LGR5: variants seen among roughly 807,000 people sequenced by gnomAD.
The protein encoded by LGR5 is leucine-rich repeat-containing G protein-coupled receptor 5.
Under a neutral mutation model 76.7 loss-of-function variants are expected in LGR5, and 54 were observed. That is an observed-to-expected ratio of 0.70 (90% CI 0.57 to 0.88). LGR5 has a LOEUF of 0.88. LGR5 is among the 40% of genes least tolerant of loss of function. The pLI, the probability that LGR5 is intolerant of heterozygous loss-of-function variation, is 0.00. For missense variants in LGR5, 1,078 were observed against 1,073.3 expected (o/e 1.00, Z -0.06); for synonymous variants, 406 against 421.9 (o/e 0.96, Z 0.46).
At chr12:71,534,798 T>G (rs1259590577) in intron 3 of LGR5, among the ~76,000 whole-genome samples, 1 of 152,176 alleles carries the variant, frequency 6.6e-6, no homozygotes, top group African/African-American at 2.4e-5. Context: ...TTCCTTCTGG[T>G]CTCCAGTTAA....
Position 71,584,243 on chromosome 12 carries a change from A to C in LGR5, c.2233A>C (p.Thr745Pro). 6.2e-7 allele frequency: 1 copy of C among 1,614,108 alleles called. No homozygotes were observed. The highest frequency in any genetic ancestry group is 8.5e-7 in the Non-Finnish European group (1 of 1,180,018). The change falls in exon 18 of 18, where the codon ACC (threonine) becomes CCC (proline). Residue 745 changes from threonine to proline, a missense_variant. By Grantham distance (38) the Thr-to-Pro change is conservative. Coordinates refer to ENST00000266674, the MANE Select transcript of LGR5 (RefSeq NM_003667.4). ...CTTCCTCATGATGACCATTGCCTAC[A>C]CCAAGCTCTACTGCAATTTGGACAA... The part of the protein sequence containing the change: ...LCFLMMTIAY[T>P]KLYCNLDKGD...
chr12:71,510,685 T>C (rs1875109354), intron 2 of LGR5, among the ~76,000 whole-genome samples: 1 of 152,106 alleles, frequency 6.6e-6, no homozygotes, highest in Non-Finnish European at 1.5e-5. Context: ...GCATATGATA[T>C]TTGCTAATTG....
At chr12:71,557,961 T>C (rs1877859062) in intron 6 of LGR5, among the ~76,000 whole-genome samples, 1 of 152,102 alleles carries the variant, frequency 6.6e-6, no homozygotes, top group African/African-American at 2.4e-5. Context: ...AATTTGTTCA[T>C]GATCAATTCA....
In LGR5 at chr12:71,569,619, C is replaced by A. The variant is rs138478845; in HGVS notation, c.1071-1895C>A. ...AAAACCACAATGAGATACCATCTCA[C>A]ACCAGTCAGAATGGCAATTATTAAA... On this transcript the variant is annotated intron_variant, in intron 11 of 17. Coordinates refer to ENST00000266674, the MANE Select transcript of LGR5 (RefSeq NM_003667.4). Among the ~76,000 whole-genome samples, 586 of 152,340 alleles carry A rather than the reference C, an allele frequency of 3.8e-3. 3 individuals are homozygous for A. The highest frequency in any genetic ancestry group is 0.013 in the African/African-American group (553 of 41,572).
chr12:71,562,156 A>G (rs1425467520), intron 8 of LGR5, among the ~76,000 whole-genome samples: 3 of 152,324 alleles, frequency 2.0e-5, no homozygotes, highest in East Asian at 1.9e-4. Flanking sequence ...TTTTTAGAGC[A>G]TTAATGTCAA....
chr12:71,454,760 C>T (rs1489934856), intron 1 of LGR5, among the ~76,000 whole-genome samples: 1 of 148,528 alleles, frequency 6.7e-6, no homozygotes, highest in Admixed American at 6.7e-5. Context: ...GGCACACACA[C>T]ACGTGCATAG....
At chr12:71,572,950 A>G (rs1197321279) in intron 13 of LGR5, 29 bp downstream of exon 13, 3 of 1,543,346 alleles carry the variant, frequency 1.9e-6, no homozygotes, top group Admixed American at 1.7e-5. Context: ...TGCGTTCCCC[A>G]GCACAGAGCA....
At chr12:71,539,298 A>G (rs1876756586) in intron 4 of LGR5, among the ~76,000 whole-genome samples, 1 of 152,218 alleles carries the variant, frequency 6.6e-6, no homozygotes, top group South Asian at 2.1e-4. Context: ...CTCCACCCAT[A>G]TACACTTGGC....
In LGR5 at chr12:71,566,689, C is replaced by T; in HGVS notation, c.987C>T (p.Asn329=). The change falls in exon 10 of 18, where the codon AAC becomes AAT. Residue 329 remains asparagine (N), a synonymous_variant. Coordinates refer to ENST00000266674, the MANE Select transcript of LGR5 (RefSeq NM_003667.4). ...TTCCTGATTTAACTGGAACTGCAAA[C>T]CTGGAGAGTCTGTAAGTACTGAGTA... ...TEFPDLTGTA[N]LESLTLTGAQ... The T allele has an allele frequency of 6.2e-7, 1 of 1,612,836 alleles. No homozygotes were observed.
In LGR5 at chr12:71,500,256, T is replaced by A. The variant is rs373239566; in HGVS notation, c.213-4358T>A. ...ATAGGAACCCATAAGAAACAGTACCTTTAATTATCTTAAGCTTCCTCAGTT... is the reference window on the plus strand; with the variant it reads ...ATAGGAACCCATAAGAAACAGTACCATTAATTATCTTAAGCTTCCTCAGTT... On this transcript the variant is annotated intron_variant, in intron 1 of 17. Transcript: ENST00000266674. Among the ~76,000 whole-genome samples the A allele has an allele frequency of 3.3e-5, 5 of 152,310 alleles. No individual in the cohort carries two copies. In the East Asian group the frequency reaches 9.6e-4, roughly 29 times the overall value.
chr12:71,549,806 T>C (rs1214412918), intron 4 of LGR5, among the ~76,000 whole-genome samples: 1 of 152,212 alleles, frequency 6.6e-6, no homozygotes, highest in East Asian at 1.9e-4. Flanking sequence ...GTCTATGCTG[T>C]TGAGCATTAA....
rs1350286218 is a variant in LGR5 at position 71,524,462 on chromosome 12, A to G, written c.341A>G (p.Tyr114Cys). Residue 114 changes from tyrosine (Y) to cysteine (C), a missense_variant, in exon 3 of 18, where the codon TAC becomes TGC. Physicochemically the swap from Tyr to Cys is radical, Grantham distance 194. Coordinates refer to ENST00000266674, the MANE Select transcript of LGR5 (RefSeq NM_003667.4). Reference sequence around the variant, plus strand: ...CCCAAGGGAGCATTCACTGGCCTTTACAGTCTTAAAGTTCTGTAAGTAAAC... The same window carrying G: ...CCCAAGGGAGCATTCACTGGCCTTTGCAGTCTTAAAGTTCTGTAAGTAAAC... ...YIPKGAFTGLYSLKVLMLQNN... is the reference protein window; with the variant it reads ...YIPKGAFTGLCSLKVLMLQNN... The G allele has an allele frequency of 3.1e-6, 5 of 1,611,552 alleles. No individual in the cohort carries two copies. Among genetic ancestry groups the G allele is most frequent in the South Asian group, 1.1e-5 (1 of 91,002 alleles).
Position 71,584,554 on chromosome 12 carries a change from CTTGATGT to C in LGR5, c.2545_2551del (p.Leu849GlnfsTer19). ...TCTGGACAAGATCAAAACACCCAAGCTTGATGTCAATTAACTCTGATGATGTCGAAAA... is the reference window on the plus strand; with the variant it reads ...TCTGGACAAGATCAAAACACCCAAGCCAATTAACTCTGATGATGTCGAAAA... On this transcript the variant is annotated frameshift_variant, in exon 18 of 18. Coordinates refer to ENST00000266674, the MANE Select transcript of LGR5 (RefSeq NM_003667.4). LOFTEE classifies it high-confidence loss of function. 1.2e-6 allele frequency: 2 copies of C among 1,614,116 alleles called. No individual in the cohort carries two copies. The highest frequency in any genetic ancestry group is 1.7e-6 in the Non-Finnish European group (2 of 1,180,028).
In LGR5 at chr12:71,575,720, ATATGTGTGTG is replaced by A. The variant is rs775999248; in HGVS notation, c.1209-2203_1209-2194del. On this transcript the variant is annotated intron_variant, in intron 13 of 17. Coordinates refer to ENST00000266674, the MANE Select transcript of LGR5 (RefSeq NM_003667.4). ...AGTGAGACTCCATCTCAAAAAATAT[ATATGTGTGTG>A]TGTGTGTGTGTGTGTGTGTGTGTGT... Among the ~76,000 whole-genome samples the A allele has an allele frequency of 2.4e-4, 30 of 122,816 alleles. No homozygotes were observed. The East Asian group carries it at 5.7e-3, about 23-fold the overall frequency. The allele number at this position is 122,816 out of a possible 152,430, so 80.6% of individuals were successfully genotyped here.
At chr12:71,581,828 C>T (rs962405226) in intron 16 of LGR5, among the ~76,000 whole-genome samples, 1 of 152,184 alleles carries the variant, frequency 6.6e-6, no homozygotes, top group South Asian at 2.1e-4. Context: ...TGATTCTCAA[C>T]CCTGGACCAC....
chr12:71,564,657 ATATG>A (rs1878225089), intron 8 of LGR5, among the ~76,000 whole-genome samples: 1 of 148,950 alleles, frequency 6.7e-6, no homozygotes, highest in African/African-American at 2.5e-5. Flanking sequence ...ATATATACAT[ATATG>A]TACACACACT....
intron 10 of LGR5, 37 bp from the exon 11 acceptor site, chr12:71,566,804 T>C (rs1726469): frequency 0.97 from 1,543,017 of 1,597,336 alleles, 750,250 homozygotes; most frequent in East Asian, 0.99. Flanking sequence ...GTGTGATGCC[T>C]GAATGAAAGA....
chr12:71,535,259 A>G, intron 4 of LGR5, 73 bp downstream of exon 4: 1 of 1,010,488 alleles, frequency 9.9e-7, no homozygotes, highest in Admixed American at 1.8e-5. Flanking sequence ...TCAGTTGACC[A>G]TTTTAGTATG....
rs1263559604 is a variant in LGR5 at position 71,584,592 on chromosome 12, C to A, written c.2582C>A (p.Ser861Tyr). Residue 861 changes from serine to tyrosine, a missense_variant, in exon 18 of 18, where the codon TCC becomes TAC. Coordinates refer to ENST00000266674, the MANE Select transcript of LGR5 (RefSeq NM_003667.4). The part of the protein sequence containing the change: ...SINSDDVEKQ[S>Y]CDSTQALVTF... Reference sequence around the variant, plus strand: ...AACTCTGATGATGTCGAAAAACAGTCCTGTGACTCAACTCAAGCCTTGGTA... The same window carrying A: ...AACTCTGATGATGTCGAAAAACAGTACTGTGACTCAACTCAAGCCTTGGTA... 18 of 1,614,126 alleles carry A rather than the reference C, an allele frequency of 1.1e-5. No individual in the cohort carries two copies. The highest frequency in any genetic ancestry group is 1.5e-5 in the Non-Finnish European group (18 of 1,180,036).
Sources: allele counts gnomAD v4.1 joint callset (sites outside exome capture counted in the v4.1 genomes callset), GRCh38; gene constraint gnomAD v4.1.1; transcripts MANE v1.5; gene names NCBI Gene and HGNC (gene_info 2026-07-23, HGNC 2026-07-21).